The following ATP13A3 variants were observed in gnomAD, a reference collection of about 807,000 sequenced individuals.
ATP13A3 encodes the protein polyamine-transporting ATPase 13A3.
In ATP13A3, 59 loss-of-function variants were observed where a neutral mutation model predicts 158.1. The ratio of observed to expected loss-of-function variants is 0.37; its 90% CI spans 0.30 to 0.46. ATP13A3 has a LOEUF of 0.46. ATP13A3 is among the 20% of genes least tolerant of loss of function. The pLI, the probability that ATP13A3 is intolerant of heterozygous loss-of-function variation, is 1.00. For synonymous variants in ATP13A3, 491 were observed against 504.3 expected (o/e 0.97, Z 0.35); for missense variants, 1,166 against 1,525.2 (o/e 0.76, Z 3.92).
chr3:194,431,365 A>G, intron 22 of ATP13A3, 139 bp from the exon 23 acceptor site: 1 of 1,092,814 alleles, frequency 9.2e-7, no homozygotes, highest in African/African-American at 1.6e-5. Context: ...ACATTTATTC[A>G]AAGTAAAAAG....
chr3:194,452,247 C>G (rs1032476), intron 10 of ATP13A3: 1 of 152,004 alleles, frequency 6.6e-6, no homozygotes, highest in African/African-American at 2.4e-5. Context: ...TCCCAGCACT[C>G]TGGAAGGCCA....
At chr3:194,437,485 C>A in intron 18 of ATP13A3, 21 bp from the exon 19 acceptor site, 1 of 1,613,772 alleles carries the variant, frequency 6.2e-7, no homozygotes, top group Admixed American at 1.7e-5. Flanking sequence ...TCAAAAGAGG[C>A]ACAAAGCACT....
chr3:194,429,631 T>G (rs1188942099), intron 27 of ATP13A3, 47 bp downstream of exon 27: 1 of 1,413,618 alleles, frequency 7.1e-7, no homozygotes, highest in Non-Finnish European at 9.8e-7. Context: ...CATCTTAATT[T>G]ACGGTGCACA....
chr3:194,461,202 A>G (rs187453276), intron 3 of ATP13A3, among the ~76,000 whole-genome samples: 5 of 152,146 alleles, frequency 3.3e-5, no homozygotes, highest in Admixed American at 3.3e-4. Context: ...TTTTTTTTAA[A>G]TAAACATTTT....
In ATP13A3 at chr3:194,450,385, G is replaced by C. The variant is rs549013206; in HGVS notation, c.839-109C>G. The C allele has an allele frequency of 1.2e-4, 133 of 1,077,616 alleles. 2 individuals carry two copies. The African/African-American group carries it at 1.8e-3, about 15-fold the overall frequency. The allele number at this position is 1,077,616 out of a possible 1,614,324, so 66.8% of individuals were successfully genotyped here. On this transcript the variant is annotated intron_variant, in intron 10 of 33. Coordinates refer to ENST00000645319, the MANE Select transcript of ATP13A3 (RefSeq NM_001367549.1). ...TGATCTCAATAAGAAGTTTATAATG[G>C]GGTAAAATAGAAAAATCCAACAAAT...
chr3:194,436,190 C>G (rs918689503), intron 20 of ATP13A3, among the ~76,000 whole-genome samples: 2 of 152,056 alleles, frequency 1.3e-5, no homozygotes, highest in African/African-American at 4.8e-5. Flanking sequence ...ATTAGCAGGA[C>G]AGCCAAGTGA....
chr3:194,449,153 AAAC>A (rs1718623390), intron 11 of ATP13A3, among the ~76,000 whole-genome samples: 2 of 152,128 alleles, frequency 1.3e-5, no homozygotes, highest in South Asian at 4.1e-4. Flanking sequence ...TGGTTCTCTC[AAAC>A]AACCACAAAC....
chr3:194,434,510 C>T (rs191712377), intron 20 of ATP13A3, among the ~76,000 whole-genome samples: 49 of 152,338 alleles, frequency 3.2e-4, no homozygotes, highest in African/African-American at 1.1e-3. Context: ...GATCTCTGCT[C>T]TCAAGACACT....
At chr3:194,414,274 G>A (rs1577026092) in intron 31 of ATP13A3, among the ~76,000 whole-genome samples, 1 of 151,966 alleles carries the variant, frequency 6.6e-6, no homozygotes, top group East Asian at 1.9e-4. Context: ...CCTAGCCTGG[G>A]CAACATGGCA....
chr3:194,485,307 C>G (rs559889034), intron 2 of ATP13A3, among the ~76,000 whole-genome samples: 16 of 152,232 alleles, frequency 1.1e-4, no homozygotes, highest in African/African-American at 3.9e-4. Flanking sequence ...GGTTGCAAAC[C>G]AGGATGAGAT....
rs574016859 is a variant in ATP13A3 at position 194,419,777 on chromosome 3, A to G, written c.3402+102T>C. The G allele has an allele frequency of 9.4e-5, 140 of 1,482,716 alleles. 2 individuals carry two copies. The South Asian group carries it at 1.3e-3, about 14-fold the overall frequency. 91.8% of individuals were successfully genotyped at this position (1,482,716 alleles called of 1,614,324 possible). A position where few individuals can be genotyped will look rare whatever the true frequency, so the allele number is the denominator to read the frequency against. On this transcript the variant is annotated intron_variant, in intron 31 of 33. Coordinates refer to ENST00000645319, the MANE Select transcript of ATP13A3 (RefSeq NM_001367549.1). ...CTCTGTAGAGTATCTTTGGGTTAAT[A>G]TAACAGCATCTTAGAATACACAAAA... is the stretch of plus-strand genomic sequence containing the variant.
chr3:194,425,504 A>T lies in ATP13A3; in HGVS notation c.3151T>A (p.Phe1051Ile). The change falls in exon 30 of 34, where the codon TTT becomes ATT. Residue 1051 changes from phenylalanine to isoleucine, a missense_variant. By Grantham distance (21) the Phe-to-Ile change is conservative. Coordinates refer to ENST00000645319, the MANE Select transcript of ATP13A3 (RefSeq NM_001367549.1). ...TTGTCTACGTGTGAAGAATTCCAAA[A>T]CCCGCTTCCTGTTGTATTACAAGCA... Reference protein sequence around the residue: ...SDACNTTGSGFWNSSHVDNET... With the variant: ...SDACNTTGSGIWNSSHVDNET... 1 of 1,612,230 alleles carries T rather than the reference A, an allele frequency of 6.2e-7. No homozygotes were observed. Among genetic ancestry groups the T allele is most frequent in the Non-Finnish European group, 8.5e-7 (1 of 1,179,520 alleles).
intron 2 of ATP13A3, among the ~76,000 whole-genome samples, chr3:194,463,457 T>C (rs145764867): frequency 3.8e-3 from 575 of 152,276 alleles, no homozygotes; most frequent in African/African-American, 0.012. Context: ...ATTTGAAATA[T>C]CAGTTTTAAT....
Position 194,404,157 on chromosome 3 carries a change from T to C in ATP13A3, c.*1762A>G, listed in dbSNP as rs1463485598. The C allele has an allele frequency of 2.2e-6, 1 of 447,714 alleles. No homozygotes were observed. The highest frequency in any genetic ancestry group is 4.4e-6 in the Non-Finnish European group (1 of 224,926). The allele number at this position is 447,714 out of a possible 1,614,324, so 27.7% of individuals were successfully genotyped here. Reference sequence around the variant, plus strand: ...AATAAGTAACTATAGAAAATAGTGCTAATTCACAGCTCAAGAGGTCTAAGA... The same window carrying C: ...AATAAGTAACTATAGAAAATAGTGCCAATTCACAGCTCAAGAGGTCTAAGA... On this transcript the variant is annotated 3_prime_UTR_variant, in exon 34 of 34. Coordinates refer to ENST00000645319, the MANE Select transcript of ATP13A3 (RefSeq NM_001367549.1).
At chr3:194,476,910 A>G (rs114815472) in intron 2 of ATP13A3, among the ~76,000 whole-genome samples, 5,458 of 152,162 alleles carry the variant, frequency 0.036, 349 homozygotes, top group African/African-American at 0.13. Context: ...GGGAGCCTCA[A>G]CTGGGTTCCA....
In ATP13A3 at chr3:194,413,745, A is replaced by C. The variant is rs1314602388; in HGVS notation, c.3483+14T>G. 3 of 1,599,924 alleles carry C rather than the reference A, an allele frequency of 1.9e-6. No individual in the cohort carries two copies. Among genetic ancestry groups the C allele is most frequent in the Non-Finnish European group, 2.6e-6 (3 of 1,167,064 alleles). Reference sequence around the variant, plus strand: ...AAAGCAACATGGTAGCCATTTGACTATGGAAGTGCTTACCTCCACTGTGAT... The same window carrying C: ...AAAGCAACATGGTAGCCATTTGACTCTGGAAGTGCTTACCTCCACTGTGAT... On this transcript the variant is annotated intron_variant, in intron 32 of 33. Transcript: ENST00000645319.
At chr3:194,411,267 C>T (rs1715408295) in intron 33 of ATP13A3, among the ~76,000 whole-genome samples, 1 of 152,102 alleles carries the variant, frequency 6.6e-6, no homozygotes, top group Non-Finnish European at 1.5e-5. Context: ...GGTAACCCAA[C>T]TCAAAAATGC....
chr3:194,410,303 A>AC (rs1715276941), intron 33 of ATP13A3, among the ~76,000 whole-genome samples: 1 of 135,146 alleles, frequency 7.4e-6, no homozygotes, highest in South Asian at 2.4e-4. Flanking sequence ...CTGCAAAAAA[A>AC]AAAAAAAAAA....
chr3:194,408,307 C>T (rs548698052), intron 33 of ATP13A3, among the ~76,000 whole-genome samples: 2 of 152,282 alleles, frequency 1.3e-5, no homozygotes, highest in South Asian at 2.1e-4. Context: ...AGGCATAAGC[C>T]GCCGCACCTG....
Sources: gnomAD v4.1 joint callset for allele counts (sites outside exome capture counted in the v4.1 genomes callset) on GRCh38, gnomAD v4.1.1 for gene constraint, MANE v1.5 for transcripts, NCBI Gene and HGNC (gene_info 2026-07-23, HGNC 2026-07-21) for gene names.